Variants in BHMT observed in about 807,000 individuals in gnomAD.
The protein encoded by BHMT is betaine--homocysteine S-methyltransferase.
In BHMT, 38 loss-of-function variants were observed where a neutral mutation model predicts 49.5. The ratio of observed to expected loss-of-function variants is 0.77; its 90% CI spans 0.59 to 1.01. BHMT has a LOEUF of 1.01. BHMT is among the 50% of genes least tolerant of loss of function. The pLI, the probability that BHMT is intolerant of heterozygous loss-of-function variation, is 0.00. For missense variants in BHMT, 426 were observed against 495.7 expected (o/e 0.86, Z 1.34); for synonymous variants, 166 against 176.3 (o/e 0.94, Z 0.46).
intron 3 of BHMT, among the ~76,000 whole-genome samples, chr5:79,119,830 T>C (rs1292350253): frequency 2.6e-5 from 4 of 152,192 alleles, no homozygotes. Context: ...GAGTGTACAG[T>C]GCTAGGTTTG....
chr5:79,113,605 A>C (rs1038220024), intron 1 of BHMT, among the ~76,000 whole-genome samples: 1 of 152,242 alleles, frequency 6.6e-6, no homozygotes, highest in East Asian at 1.9e-4. Context: ...TGCCTGTTAA[A>C]TTCTGGTGTA....
chr5:79,127,642 A>C, intron 6 of BHMT, 113 bp from the exon 7 acceptor site: 1 of 1,366,254 alleles, frequency 7.3e-7, no homozygotes, highest in Non-Finnish European at 9.8e-7. Flanking sequence ...AAATGTAAAA[A>C]TTGAATATTG....
rs1209419801 is a variant in BHMT, at chr5:79,127,908, T to G, written c.962T>G (p.Leu321Trp). Residue 321 changes from leucine (L) to tryptophan (W), a missense_variant, in exon 7 of 8, where the codon TTG becomes TGG. Leu to Trp is a moderately conservative substitution (Grantham distance 61, BLOSUM62 -2). This residue lies in a region of BHMT where 32 missense variants were observed against 71.6 expected (regional missense o/e 0.45). Transcript: ENST00000274353. ...AEELAPERGF[L>W]PPASEKHGSW... ...GAGCTGGCCCCAGAAAGGGGCTTTT[T>G]GCCACCAGCTTCAGAAAAACATGGC... 6.2e-7 allele frequency: 1 copy of G among 1,613,974 alleles called. No homozygotes were observed. Among genetic ancestry groups the G allele is most frequent in the Non-Finnish European group, 8.5e-7 (1 of 1,180,002 alleles).
chr5:79,128,304 T>G (rs1171327636), intron 7 of BHMT: 2 of 217,550 alleles, frequency 9.2e-6, no homozygotes, highest in Non-Finnish European at 1.8e-5. Flanking sequence ...GAGGATTACT[T>G]GATCTCGGGA....
chr5:79,121,202 C>G lies in BHMT; in HGVS notation c.478-16C>G. On this transcript the variant is annotated splice_polypyrimidine_tract_variant and intron_variant, in intron 4 of 7. Transcript: ENST00000274353. ...AGAAACGAGATTAAAAGTACTCTAACCTTAACTGATTCCAGTATTTTGAAC... is the reference window on the plus strand; with the variant it reads ...AGAAACGAGATTAAAAGTACTCTAAGCTTAACTGATTCCAGTATTTTGAAC... 1.2e-6 allele frequency: 2 copies of G among 1,612,568 alleles called. No individual in the cohort carries two copies. The highest frequency in any genetic ancestry group is 1.7e-6 in the Non-Finnish European group (2 of 1,179,178).
Position 79,121,225 on chromosome 5 carries a change from A to G in BHMT, c.485A>G (p.Glu162Gly), listed in dbSNP as rs777670063. ...AACCTTAACTGATTCCAGTATTTTG[A>G]ACACGTTGAAGAAGCTGTGTGGGCA... ...NVDFLIAEYF[E>G]HVEEAVWAVE... The change falls in exon 5 of 8, where the codon GAA (glutamate) becomes GGA (glycine). Residue 162 changes from glutamate to glycine, a missense_variant. Physicochemically the swap from Glu to Gly is moderately conservative, Grantham distance 98. Coordinates refer to ENST00000274353, the MANE Select transcript of BHMT (RefSeq NM_001713.3). The G allele has an allele frequency of 4.2e-5, 68 of 1,613,936 alleles. No individual in the cohort carries two copies. The Middle Eastern group carries it at 8.2e-4, about 20-fold the overall frequency.
In BHMT at chr5:79,121,317, T is replaced by G; in HGVS notation, c.577T>G (p.Leu193Val). 6.2e-7 allele frequency: 1 copy of G among 1,614,106 alleles called. No homozygotes were observed. Among genetic ancestry groups the G allele is most frequent in the Non-Finnish European group, 8.5e-7 (1 of 1,179,994 alleles). ...ATMCIGPEGD[L>V]HGVPPGECAV... ...CATGTGCATTGGCCCAGAAGGAGAT[T>G]TGCATGGCGTGCCCCCCGGCGAGTG... is the stretch of plus-strand genomic sequence containing the variant. The change falls in exon 5 of 8, where the codon TTG (leucine) becomes GTG (valine). Residue 193 changes from leucine to valine, a missense_variant. Around this residue, in one of 3 missense-constraint regions of BHMT, gnomAD observed 321 missense variants for 355.9 expected, o/e 0.90. Transcript: ENST00000274353.
At chr5:79,120,279 A>C in intron 3 of BHMT, 71 bp from the exon 4 acceptor site, 1 of 1,347,814 alleles carries the variant, frequency 7.4e-7, no homozygotes, top group Non-Finnish European at 1.0e-6. Context: ...CTAAGATGTG[A>C]ATGTTTGAAT....
At chr5:79,127,297 T>C (rs1756568086) in intron 6 of BHMT, among the ~76,000 whole-genome samples, 1 of 152,198 alleles carries the variant, frequency 6.6e-6, no homozygotes, top group Admixed American at 6.5e-5. Flanking sequence ...ACTGGGGGCC[T>C]CAGTTCCTCA....
intron 7 of BHMT, among the ~76,000 whole-genome samples, chr5:79,129,645 G>A (rs1194786895): frequency 6.6e-6 from 1 of 152,136 alleles, no homozygotes; most frequent in Non-Finnish European, 1.5e-5. Context: ...GACTTGCTAG[G>A]AGGGACAGCA....
In BHMT at chr5:79,121,264, T is replaced by C. The variant is rs144680120; in HGVS notation, c.524T>C (p.Ile175Thr). ...EEAVWAVETL[I>T]ASGKPVAATM... ...GCTGTGTGGGCAGTTGAAACCTTGATAGCATCCGGTAAACCTGTGGCAGCA... is the reference window on the plus strand; with the variant it reads ...GCTGTGTGGGCAGTTGAAACCTTGACAGCATCCGGTAAACCTGTGGCAGCA... The change falls in exon 5 of 8, where the codon ATA (isoleucine) becomes ACA (threonine). Residue 175 changes from isoleucine (I) to threonine (T), a missense_variant. By Grantham distance (89) the Ile-to-Thr change is moderately conservative. Transcript: ENST00000274353. 103 of 1,614,082 alleles carry C rather than the reference T, an allele frequency of 6.4e-5. No homozygotes were observed. The highest frequency in any genetic ancestry group is 8.3e-5 in the Non-Finnish European group (98 of 1,180,028).
At chr5:79,130,438 C>T (rs964966011) in intron 7 of BHMT, among the ~76,000 whole-genome samples, 58 of 152,046 alleles carry the variant, frequency 3.8e-4, no homozygotes, top group African/African-American at 1.4e-3. Context: ...CTTCCCAGTC[C>T]CTCAACTGCT....
At chr5:79,127,004 GAAGA>G (rs1421019183) in intron 6 of BHMT, among the ~76,000 whole-genome samples, 1 of 152,156 alleles carries the variant, frequency 6.6e-6, no homozygotes, top group Non-Finnish European at 1.5e-5. Context: ...AGCCACAGAG[GAAGA>G]AAGGCAAGGC....
intron 1 of BHMT, among the ~76,000 whole-genome samples, chr5:79,113,549 T>C (rs958656439): frequency 3.3e-5 from 5 of 152,216 alleles, no homozygotes; most frequent in Non-Finnish European, 2.9e-5. Flanking sequence ...TGTTACAAAG[T>C]TTGCACATGT....
At chr5:79,119,950 AC>A (rs1309454332) in intron 3 of BHMT, among the ~76,000 whole-genome samples, 1 of 152,206 alleles carries the variant, frequency 6.6e-6, no homozygotes, top group Non-Finnish European at 1.5e-5. Flanking sequence ...ACATACAAAA[AC>A]ATCCTGAATT....
rs757819755 is a variant in BHMT, at chr5:79,127,813, C to A, written c.867C>A (p.Tyr289Ter). The A allele has an allele frequency of 3.7e-6, 6 of 1,614,138 alleles. No individual in the cohort carries two copies. Among genetic ancestry groups the A allele is most frequent in the Non-Finnish European group, 5.1e-6 (6 of 1,180,000 alleles). Reference protein sequence around the residue: ...WDIQKYAREAYNLGVRYIGGC... With the variant: ...WDIQKYAREA ...TTCAAAAATACGCCAGAGAGGCCTA[C>A]AACCTGGGGGTCAGGTACATTGGCG... The change falls in exon 7 of 8, where the codon TAC becomes TAA. Residue 289 changes from tyrosine to a stop codon, truncating the protein, a stop_gained. Transcript: ENST00000274353. LOFTEE classifies it high-confidence loss of function.
In BHMT at chr5:79,115,850, A is replaced by G; in HGVS notation, c.117A>G (p.Val39=). ...FVFALEKRGY[V]KAGPWTPEAA... ...TTGCACTGGAGAAGAGGGGCTACGTAAAGGCAGGACCCTGGACTCCTGAAG... is the reference window on the plus strand; with the variant it reads ...TTGCACTGGAGAAGAGGGGCTACGTGAAGGCAGGACCCTGGACTCCTGAAG... Residue 39 remains valine, a synonymous_variant, in exon 2 of 8, where the codon GTA becomes GTG. Transcript: ENST00000274353. 6.2e-7 allele frequency: 1 copy of G among 1,614,088 alleles called. No individual in the cohort carries two copies. Among genetic ancestry groups the G allele is most frequent in the Non-Finnish European group, 8.5e-7 (1 of 1,179,966 alleles).
intron 1 of BHMT, 34 bp downstream of exon 1, chr5:79,111,952 TC>T: frequency 1.3e-6 from 2 of 1,558,202 alleles, no homozygotes; most frequent in Non-Finnish European, 1.7e-6. Context: ...GCGCTCTCCT[TC>T]CCCTCCCACC....
chr5:79,130,896 AGTCTGTT>A, intron 7 of BHMT, 30 bp from the exon 8 acceptor site: 2 of 1,514,820 alleles, frequency 1.3e-6, no homozygotes, highest in Non-Finnish European at 1.8e-6. Context: ...CTAGGGGAGG[AGTCTGTT>A]GTCTGGTGTC....
Sources: allele counts gnomAD v4.1 joint callset (sites outside exome capture counted in the v4.1 genomes callset), GRCh38; gene constraint gnomAD v4.1.1; regional missense constraint gnomAD v4.1.1; transcripts MANE v1.5; gene names NCBI Gene and HGNC (gene_info 2026-07-23, HGNC 2026-07-21).